The following FBXW7 variants were observed in gnomAD, a reference collection of about 807,000 sequenced individuals.
The protein encoded by FBXW7 is F-box and WD repeat domain containing 7.
In FBXW7, 11 loss-of-function variants were observed where a neutral mutation model predicts 86.3. The observed-to-expected ratio is 0.13, with a 90% CI of 0.08 to 0.21. The LOEUF (loss-of-function observed/expected upper bound fraction) is 0.21. Ranked by LOEUF, FBXW7 falls within the 10% of genes least tolerant of loss-of-function variation. The probability of loss-of-function intolerance (pLI) is 1.00; values close to 1 mark genes in which losing one functional copy is unlikely to be tolerated. For synonymous variants in FBXW7, 313 were observed against 297.9 expected (o/e 1.05, Z -0.52); for missense variants, 488 against 847.4 (o/e 0.58, Z 5.27).
chr4:152,481,051 C>G (rs1321936486), intron 2 of FBXW7, among the ~76,000 whole-genome samples: 1 of 152,166 alleles, frequency 6.6e-6, no homozygotes, highest in Non-Finnish European at 1.5e-5. Flanking sequence ...CCATGTAGTA[C>G]TTTCCTAGCT....
intron 6 of FBXW7, among the ~76,000 whole-genome samples, chr4:152,345,234 G>A (rs181015826): frequency 6.6e-6 from 1 of 152,110 alleles, no homozygotes; most frequent in Admixed American, 6.6e-5. Context: ...TTCTGAGGGT[G>A]TGCATAGGAA....
In FBXW7 at chr4:152,322,989, C is replaced by T. The variant is rs1240425235; in HGVS notation, c.2016G>A (p.Val672=). The stretch of plus-strand genomic sequence containing the variant: ...TTGTGTTTGAGGCTCTGATCCGCCA[C>T]ACAACTCCCCCACTCCCCCCACTCT... ...TLESGGSGGV[V]WRIRASNTKL... The change falls in exon 14 of 14, where the codon GTG becomes GTA. Residue 672 remains valine, a synonymous_variant. Transcript: ENST00000281708. The T allele has an allele frequency of 2.5e-6, 4 of 1,613,806 alleles. No homozygotes were observed. Among genetic ancestry groups the T allele is most frequent in the Non-Finnish European group, 3.4e-6 (4 of 1,179,862 alleles).
intron 4 of FBXW7, chr4:152,352,598 G>C (rs1292543453): frequency 1.9e-6 from 3 of 1,613,778 alleles, no homozygotes; most frequent in Non-Finnish European, 2.5e-6. Flanking sequence ...TTTTCAGGTA[G>C]GTATGTCACA....
intron 2 of FBXW7, among the ~76,000 whole-genome samples, chr4:152,475,118 A>G (rs1048817743): frequency 6.7e-6 from 1 of 149,042 alleles, no homozygotes; most frequent in African/African-American, 2.4e-5. Flanking sequence ...AAATATATGT[A>G]TATTTATTTA....
At chr4:152,334,194 A>T (rs1729849722) in intron 7 of FBXW7, among the ~76,000 whole-genome samples, 1 of 152,220 alleles carries the variant, frequency 6.6e-6, no homozygotes, top group Non-Finnish European at 1.5e-5. Context: ...ACTTTTTGTG[A>T]AATAATTACT....
At chr4:152,482,459 A>T (rs1245423813) in intron 2 of FBXW7, among the ~76,000 whole-genome samples, 1 of 152,136 alleles carries the variant, frequency 6.6e-6, no homozygotes, top group Non-Finnish European at 1.5e-5. Flanking sequence ...ATTATTTCGG[A>T]GGTGGCCACT....
chr4:152,525,477 T>C (rs1749422214), intron 2 of FBXW7, among the ~76,000 whole-genome samples: 1 of 152,186 alleles, frequency 6.6e-6, no homozygotes, highest in Non-Finnish European at 1.5e-5. Flanking sequence ...CCCCCTCAAG[T>C]AGACCCCAGT....
intron 6 of FBXW7, among the ~76,000 whole-genome samples, chr4:152,341,160 G>A (rs1021901146): frequency 3.3e-5 from 5 of 152,184 alleles, no homozygotes; most frequent in African/African-American, 9.7e-5. Flanking sequence ...CTGTCAGAAA[G>A]TCTTAAACCT....
chr4:152,369,658 T>C (rs1233063575), intron 4 of FBXW7, among the ~76,000 whole-genome samples: 3 of 152,096 alleles, frequency 2.0e-5, no homozygotes, highest in African/African-American at 7.2e-5. Flanking sequence ...CTCAGTTTTG[T>C]TCACTTGTCA....
At chr4:152,389,305 A>G (rs1735799859) in intron 4 of FBXW7, among the ~76,000 whole-genome samples, 1 of 152,114 alleles carries the variant, frequency 6.6e-6, no homozygotes, top group Non-Finnish European at 1.5e-5. Flanking sequence ...AAGAAAAGAA[A>G]TCATTATTTT....
rs188203235 is a variant in FBXW7, at chr4:152,378,330, G to C, written c.502-28206C>G. Among the ~76,000 whole-genome samples, 15 of 152,136 alleles carry C rather than the reference G, an allele frequency of 9.9e-5. No homozygotes were observed. The East Asian group carries it at 2.1e-3, about 22-fold the overall frequency. The stretch of plus-strand genomic sequence containing the variant: ...ACTATGAAATTATTTTCAACTACTG[G>C]AAACGTCAGTTGTATATTTCACTAT... On this transcript the variant is annotated intron_variant, in intron 4 of 13. Transcript: ENST00000281708.
At chr4:152,343,605 C>A (rs1400179758) in intron 6 of FBXW7, among the ~76,000 whole-genome samples, 1 of 152,074 alleles carries the variant, frequency 6.6e-6, no homozygotes, top group African/African-American at 2.4e-5. Context: ...TCTCAAGATG[C>A]TTCTGAATAC....
At chr4:152,323,197 A>G (rs369234682) in intron 13 of FBXW7, 48 bp from the exon 14 acceptor site, 22 of 1,574,082 alleles carry the variant, frequency 1.4e-5, no homozygotes, top group East Asian at 2.3e-5. Flanking sequence ...AATAATGGCT[A>G]TGAGTTAGTT....
In FBXW7 at chr4:152,322,805, C is replaced by CT. The variant is rs899326148; in HGVS notation, c.*75dup. ...CAAGGGATTTTTTTCTTTTTCTTTT[C>CT]TTTTTTTCTTTTTGCAGGGGGAAGG... is the stretch of plus-strand genomic sequence containing the variant. On this transcript the variant is annotated 3_prime_UTR_variant, in exon 14 of 14. Coordinates refer to ENST00000281708, the MANE Select transcript of FBXW7 (RefSeq NM_001349798.2). The CT allele has an allele frequency of 1.3e-6, 2 of 1,560,488 alleles. No homozygotes were observed. The highest frequency in any genetic ancestry group is 2.5e-5 in the South Asian group (2 of 80,694).
At chr4:152,527,788 T>C (rs1482237672) in intron 2 of FBXW7, among the ~76,000 whole-genome samples, 5 of 151,254 alleles carry the variant, frequency 3.3e-5, no homozygotes, top group Non-Finnish European at 7.4e-5. Flanking sequence ...CTAAAAAAAA[T>C]AATTTTATAC....
chr4:152,343,061 A>C (rs2126615579), intron 6 of FBXW7, among the ~76,000 whole-genome samples: 1 of 152,312 alleles, frequency 6.6e-6, no homozygotes, highest in African/African-American at 2.4e-5. Context: ...TACAATTTCT[A>C]AGTGTTCCCA....
At chr4:152,463,467 A>G (rs554539336) in intron 2 of FBXW7, among the ~76,000 whole-genome samples, 2 of 152,322 alleles carry the variant, frequency 1.3e-5, no homozygotes, top group Admixed American at 1.3e-4. Flanking sequence ...ACTTAGGACC[A>G]AAATATGACA....
At chr4:152,455,945 A>G (rs772923346) in intron 2 of FBXW7, among the ~76,000 whole-genome samples, 9 of 152,204 alleles carry the variant, frequency 5.9e-5, no homozygotes, top group South Asian at 2.1e-4. Context: ...TTGTGGAGCC[A>G]TATCAGGTAA....
At chr4:152,504,300 A>G (rs1245027655) in intron 2 of FBXW7, among the ~76,000 whole-genome samples, 2 of 152,206 alleles carry the variant, frequency 1.3e-5, no homozygotes, top group East Asian at 3.8e-4. Flanking sequence ...ACACAAACCA[A>G]TAAAAAAGAT....
Sources: gnomAD v4.1 joint callset for allele counts (sites outside exome capture counted in the v4.1 genomes callset) on GRCh38, gnomAD v4.1.1 for gene constraint, MANE v1.5 for transcripts, NCBI Gene and HGNC (gene_info 2026-07-23, HGNC 2026-07-21) for gene names.